The following THSD7A variants were observed in gnomAD, a reference collection of about 807,000 sequenced individuals.
The protein encoded by THSD7A is thrombospondin type 1 domain containing 7A.
A neutral mutation model predicts 231.3 loss-of-function variants in THSD7A; 96 were observed. The ratio of observed to expected loss-of-function variants is 0.41; its 90% CI spans 0.35 to 0.49. The LOEUF is 0.49. THSD7A is among the 20% of genes least tolerant of loss of function. The pLI is 0.05. For synonymous variants in THSD7A, 940 were observed against 743.3 expected (o/e 1.26, Z -4.30); for missense variants, 2,290 against 2,070.2 (o/e 1.11, Z -2.06).
intron 1 of THSD7A, among the ~76,000 whole-genome samples, chr7:11,770,530 C>A (rs1234244189): frequency 1.3e-5 from 2 of 152,228 alleles, no homozygotes; most frequent in Non-Finnish European, 2.9e-5. Flanking sequence ...CTAATGTTAT[C>A]AACTGGAAAC....
chr7:11,548,694 G>C (rs930920826), intron 4 of THSD7A, among the ~76,000 whole-genome samples: 1 of 151,986 alleles, frequency 6.6e-6, no homozygotes, highest in Non-Finnish European at 1.5e-5. Flanking sequence ...TGGGACAAAA[G>C]GTTGGTTCAA....
In THSD7A at chr7:11,541,508, G is replaced by A. The variant is rs756506377; in HGVS notation, c.1733C>T (p.Ala578Val). ...CEEPACYDWK[A>V]VRLGNCEPDN... ...TGGCTCGCAGTTTCCCAGTCTCACT[G>A]CTTTCCAGTCATAACAGGCAGGCTC... The change falls in exon 6 of 28, where the codon GCA becomes GTA. Residue 578 changes from alanine to valine, a missense_variant. Coordinates refer to ENST00000423059, the MANE Select transcript of THSD7A (RefSeq NM_015204.3). 14 of 1,613,756 alleles carry A rather than the reference G, an allele frequency of 8.7e-6. No homozygotes were observed. Among genetic ancestry groups the A allele is most frequent in the Middle Eastern group, 1.6e-4 (1 of 6,084 alleles).
intron 1 of THSD7A, among the ~76,000 whole-genome samples, chr7:11,712,996 T>A (rs1388928538): frequency 6.6e-6 from 1 of 151,160 alleles, no homozygotes; most frequent in Non-Finnish European, 1.5e-5. Context: ...TGGTACCACA[T>A]CTCTACATGA....
intron 1 of THSD7A, among the ~76,000 whole-genome samples, chr7:11,810,664 T>G (rs890835856): frequency 6.6e-6 from 1 of 152,132 alleles, no homozygotes; most frequent in Non-Finnish European, 1.5e-5. Flanking sequence ...CAGATTTAAC[T>G]TTCCATTCCA....
chr7:11,375,705 TCCACACAGTTTGGATACATTTGTTGTGG>T lies in THSD7A; in HGVS notation c.*61_*88del. The T allele has an allele frequency of 9.5e-7, 1 of 1,048,472 alleles. No homozygotes were observed. The highest frequency in any genetic ancestry group is 1.4e-6 in the Non-Finnish European group (1 of 694,898). The allele number at this position is 1,048,472 out of a possible 1,614,324, so 64.9% of individuals were successfully genotyped here. ...TTTTAAAAATTAAAATATATTTTAA[TCCACACAGTTTGGATACATTTGTTGTGG>T]CCTCTGGACATCTATGAAGTCAGAA... On this transcript the variant is annotated 3_prime_UTR_variant, in exon 28 of 28. Coordinates refer to ENST00000423059, the MANE Select transcript of THSD7A (RefSeq NM_015204.3).
rs1784629749 is a variant in THSD7A, at chr7:11,814,809, T to C, written c.190+16948A>G. Among the ~76,000 whole-genome samples, 1 of 152,156 alleles carries C rather than the reference T, an allele frequency of 6.6e-6. No individual in the cohort carries two copies. The highest frequency in any genetic ancestry group is 2.4e-5 in the African/African-American group (1 of 41,450). On this transcript the variant is annotated intron_variant, in intron 1 of 27. Coordinates refer to ENST00000423059, the MANE Select transcript of THSD7A (RefSeq NM_015204.3). This position sits in a 1 kb window ranked among gnomAD's most constrained non-coding sequence, Gnocchi z 5.1. ...TGATGACTCTCCCATTAGAGGTATGTAGTCACCACAGCAAACTCTCAAAAG... is the reference window on the plus strand; with the variant it reads ...TGATGACTCTCCCATTAGAGGTATGCAGTCACCACAGCAAACTCTCAAAAG...
chr7:11,460,376 A>C (rs1310775191), intron 11 of THSD7A, among the ~76,000 whole-genome samples: 2 of 152,162 alleles, frequency 1.3e-5, no homozygotes, highest in Non-Finnish European at 2.9e-5. Context: ...ACAAACAAAC[A>C]AAAAAGCTTC....
intron 4 of THSD7A, among the ~76,000 whole-genome samples, chr7:11,559,328 T>C (rs73676012): frequency 0.027 from 4,177 of 152,218 alleles, 162 homozygotes; most frequent in African/African-American, 0.088. Flanking sequence ...ATGGAGGCAG[T>C]AGAAAACTAA....
intron 23 of THSD7A, among the ~76,000 whole-genome samples, chr7:11,388,568 G>T (rs749939078): frequency 6.6e-6 from 1 of 152,078 alleles, no homozygotes; most frequent in Non-Finnish European, 1.5e-5. Context: ...GCATCTATTT[G>T]ATTGTTCTCT....
chr7:11,541,702 C>A lies in THSD7A; in HGVS notation c.1610-71G>T, dbSNP rs1423280246. 2.1e-6 allele frequency: 3 copies of A among 1,422,344 alleles called. No individual in the cohort carries two copies. In the Admixed American group the frequency reaches 5.9e-5, roughly 28 times the overall value. The allele number at this position is 1,422,344 out of a possible 1,614,324, so 88.1% of individuals were successfully genotyped here. A position where few individuals can be genotyped will look rare whatever the true frequency, so the allele number is the denominator to read the frequency against. On this transcript the variant is annotated intron_variant, in intron 5 of 27. Coordinates refer to ENST00000423059, the MANE Select transcript of THSD7A (RefSeq NM_015204.3). The stretch of plus-strand genomic sequence containing the variant: ...TAGTATTTCAGAAAGTTGAATAAAA[C>A]CTCAGAGTAAAAGTTGGATAAGAGT...
At chr7:11,376,782 T>C (rs898684245) in intron 26 of THSD7A, 125 bp from the exon 27 acceptor site, 4 of 539,618 alleles carry the variant, frequency 7.4e-6, no homozygotes, top group Non-Finnish European at 1.3e-5. Context: ...GAATTATTGC[T>C]TCAGCACAGT....
chr7:11,400,689 A>G (rs1013462738), intron 23 of THSD7A, among the ~76,000 whole-genome samples: 2 of 152,214 alleles, frequency 1.3e-5, no homozygotes, highest in African/African-American at 4.8e-5. Flanking sequence ...TTGACAGAGC[A>G]GGTAATTCCA....
chr7:11,706,630 C>CTTGTTTTTTTTTTTTTTTT (rs1780776448), intron 1 of THSD7A, among the ~76,000 whole-genome samples: 1 of 66,420 alleles, frequency 1.5e-5, no homozygotes. Context: ...TAACAAGGTG[C>CTTGTTTTTTTTTTTTTTTT]TTTTTTTTTT....
chr7:11,725,350 C>T (rs999366535), intron 1 of THSD7A, among the ~76,000 whole-genome samples: 21 of 151,894 alleles, frequency 1.4e-4, no homozygotes, highest in Non-Finnish European at 2.5e-4. Context: ...ATGCTTTGAT[C>T]ACAGTTCCTA....
chr7:11,479,789 A>G (rs1786345672), intron 7 of THSD7A, among the ~76,000 whole-genome samples: 1 of 152,206 alleles, frequency 6.6e-6, no homozygotes, highest in African/African-American at 2.4e-5. Context: ...ACATAATTAT[A>G]CCAGCTTTTA....
chr7:11,800,564 AT>A (rs1784247213), intron 1 of THSD7A, among the ~76,000 whole-genome samples: 1 of 152,152 alleles, frequency 6.6e-6, no homozygotes, highest in Non-Finnish European at 1.5e-5. Context: ...AAGAAAAAAA[AT>A]ATCGTATTTG....
At chr7:11,388,174 GT>G (rs1200529900) in intron 23 of THSD7A, among the ~76,000 whole-genome samples, 2 of 147,762 alleles carry the variant, frequency 1.4e-5, no homozygotes, top group African/African-American at 5.0e-5. Context: ...TTTTTTTTTT[GT>G]TGTGTCTTGG....
rs568740566 is a variant in THSD7A, at chr7:11,651,118, G to A, written c.191-14157C>T. On this transcript the variant is annotated intron_variant, in intron 1 of 27. Coordinates refer to ENST00000423059, the MANE Select transcript of THSD7A (RefSeq NM_015204.3). ...ATGGGATATTATTTAGCCTTAAAAC[G>A]AAACTCTGATGCTACAACACGGATG... 5.8e-4 allele frequency among the ~76,000 whole-genome samples: 88 copies of A among 152,046 alleles called. 1 individual carries two copies. The highest frequency in any genetic ancestry group is 9.8e-4 in the Admixed American group (15 of 15,246).
At chr7:11,477,887 A>C (rs74363934) in intron 7 of THSD7A, among the ~76,000 whole-genome samples, 1,532 of 152,310 alleles carry the variant, frequency 0.01, 29 homozygotes, top group African/African-American at 0.035. Flanking sequence ...GTCTATATGT[A>C]TATAATATGT....
Sources: allele counts gnomAD v4.1 joint callset (sites outside exome capture counted in the v4.1 genomes callset), GRCh38; gene constraint gnomAD v4.1.1; non-coding constraint Gnocchi (gnomAD v3.1); transcripts MANE v1.5; gene names NCBI Gene and HGNC (gene_info 2026-07-23, HGNC 2026-07-21).